Variants in SEPTIN3 observed in about 807,000 individuals in gnomAD.
The protein encoded by SEPTIN3 is septin 3, also known as neuronal-specific septin-3.
In SEPTIN3, 15 loss-of-function variants were observed where a neutral mutation model predicts 45.1. That is an observed-to-expected ratio of 0.33 (90% CI 0.22 to 0.51). SEPTIN3 has a LOEUF of 0.51. Among genes scored for constraint, SEPTIN3 ranks in the 20% least tolerant of loss-of-function variants. The pLI is 0.97. For synonymous variants in SEPTIN3, 148 were observed against 164.8 expected (o/e 0.90, Z 0.78); for missense variants, 289 against 457.2 (o/e 0.63, Z 3.35).
In SEPTIN3 at chr22:41,995,297, G is replaced by A. The variant is rs2078411823; in HGVS notation, c.2505+583G>A. 8.1e-6 allele frequency: 8 copies of A among 991,188 alleles called. No individual in the cohort carries two copies. The South Asian group carries it at 3.2e-4, about 40-fold the overall frequency. 61.4% of individuals were successfully genotyped at this position (991,188 alleles called of 1,614,324 possible). ...GGCTGGGGCTTCCTGGGAAAAGGAA[G>A]GCCATGAGAAGGCAGAGAAGTAGGC... On this transcript the variant is annotated intron_variant, in intron 11 of 11. Transcript: ENST00000644076.
chr22:41,975,465 C>T (rs1321292744), intron 2 of SEPTIN3, among the ~76,000 whole-genome samples: 1 of 152,138 alleles, frequency 6.6e-6, no homozygotes, highest in Non-Finnish European at 1.5e-5. Context: ...CTTCTCCCTA[C>T]GAGATCTCAG....
At chr22:41,980,761 G>C (rs2078108324) in intron 2 of SEPTIN3, among the ~76,000 whole-genome samples, 1 of 152,142 alleles carries the variant, frequency 6.6e-6, no homozygotes, top group Non-Finnish European at 1.5e-5. Flanking sequence ...CTAGGGAGGG[G>C]CTGGTTCCTC....
chr22:41,973,405 C>G (rs2077979409), intron 2 of SEPTIN3, among the ~76,000 whole-genome samples: 1 of 151,634 alleles, frequency 6.6e-6, no homozygotes, highest in Non-Finnish European at 1.5e-5. Context: ...GCCTGTAATC[C>G]CAGCACTTTG....
intron 2 of SEPTIN3, among the ~76,000 whole-genome samples, chr22:41,975,781 C>A (rs2078012047): frequency 6.6e-6 from 1 of 152,176 alleles, no homozygotes; most frequent in Non-Finnish European, 1.5e-5. Context: ...CTGTCCCCTC[C>A]TCTCCATCCT....
rs1441725504 is a variant in SEPTIN3 at position 41,976,471 on chromosome 22, A to G, written c.1504+3475A>G. 1 of 152,280 alleles carries G rather than the reference A, an allele frequency of 6.6e-6. No homozygotes were observed. The highest frequency in any genetic ancestry group is 1.5e-5 in the Non-Finnish European group (1 of 68,126). The allele number at this position is 152,280 out of a possible 1,614,324, so 9.4% of individuals were successfully genotyped here. ...GAACCCGGGCCCCTGACTCGGCTCTACAGGCACCCGCGCAACACCCCAGCC... is the reference window on the plus strand; with the variant it reads ...GAACCCGGGCCCCTGACTCGGCTCTGCAGGCACCCGCGCAACACCCCAGCC... On this transcript the variant is annotated intron_variant, in intron 2 of 11. Coordinates refer to ENST00000644076, the MANE Select transcript of SEPTIN3 (RefSeq NM_001363845.2). This position sits in a 1 kb window ranked among gnomAD's most constrained non-coding sequence, Gnocchi z 5.8.
Position 41,981,649 on chromosome 22 carries a change from C to T in SEPTIN3, c.1509C>T (p.Leu503=), listed in dbSNP as rs1231166625. The T allele has an allele frequency of 3.7e-6, 6 of 1,611,538 alleles. No homozygotes were observed. The highest frequency in any genetic ancestry group is 1.1e-5 in the South Asian group (1 of 90,880). ...CCTCCCACCTTGGCTCTGCAGGGCT[C>T]CCAGAGACCAGGACGGACGCAGCCA... ...SLDLATEYKG[L]PETRTDAAMS... The change falls in exon 3 of 12, where the codon CTC becomes CTT. Residue 503 remains leucine (L), a synonymous_variant. Transcript: ENST00000644076.
intron 2 of SEPTIN3, chr22:41,981,376 GGT>G: frequency 2.4e-6 from 1 of 425,238 alleles, no homozygotes; most frequent in Non-Finnish European, 4.2e-6. Context: ...AGAGCAGTGA[GGT>G]GCATTTGAAA....
chr22:41,971,186 A>C (rs1022634565), intron 1 of SEPTIN3, among the ~76,000 whole-genome samples: 3 of 152,124 alleles, frequency 2.0e-5, no homozygotes. Flanking sequence ...GCCCAGCCTG[A>C]GATGCCCCAT....
intron 3 of SEPTIN3, among the ~76,000 whole-genome samples, chr22:41,983,613 C>G (rs916478356): frequency 2.0e-5 from 3 of 152,208 alleles, no homozygotes; most frequent in African/African-American, 7.2e-5. Context: ...CAGTGCTCGT[C>G]CACATGCCAT....
intron 6 of SEPTIN3, 144 bp downstream of exon 6, chr22:41,987,903 G>A: frequency 2.6e-6 from 2 of 765,564 alleles, no homozygotes; most frequent in Non-Finnish European, 4.0e-6. Context: ...TTGGTACATA[G>A]TCATGGCCCA....
chr22:41,997,291 T>C lies in SEPTIN3; in HGVS notation c.*324T>C. On this transcript the variant is annotated 3_prime_UTR_variant, in exon 12 of 12. Transcript: ENST00000644076. ...AGCCCATCCCAGCTACTTGTAACCA[T>C]CTCTAAGGGCAATGGCATTGCTCCC... 2.9e-6 allele frequency: 1 copy of C among 339,192 alleles called. No homozygotes were observed. The allele number at this position is 339,192 out of a possible 1,614,324, so 21.0% of individuals were successfully genotyped here.
At chr22:41,984,690 G>A (rs186073602) in intron 3 of SEPTIN3, among the ~76,000 whole-genome samples, 107 of 151,434 alleles carry the variant, frequency 7.1e-4, no homozygotes, top group African/African-American at 2.6e-3. Flanking sequence ...CACCATGCCC[G>A]GCTAATTTTT....
chr22:41,988,474 A>T (rs2078246018), intron 6 of SEPTIN3, among the ~76,000 whole-genome samples: 1 of 152,106 alleles, frequency 6.6e-6, no homozygotes, highest in Non-Finnish European at 1.5e-5. Flanking sequence ...GCCAGAGTTA[A>T]GCTCTTCAGA....
chr22:41,997,199 T>A lies in SEPTIN3; in HGVS notation c.*232T>A. On this transcript the variant is annotated 3_prime_UTR_variant, in exon 12 of 12. Coordinates refer to ENST00000644076, the MANE Select transcript of SEPTIN3 (RefSeq NM_001363845.2). The stretch of plus-strand genomic sequence containing the variant: ...GCCAGTACAGCCCTACTGCATCATC[T>A]GCGTCAGCCGGTCCTAGCCCATCTG... 1.4e-6 allele frequency: 1 copy of A among 730,066 alleles called. No individual in the cohort carries two copies. Among genetic ancestry groups the A allele is most frequent in the Non-Finnish European group, 2.1e-6 (1 of 466,238 alleles). The allele number at this position is 730,066 out of a possible 1,614,324, so 45.2% of individuals were successfully genotyped here.
rs1219562141 is a variant in SEPTIN3, at chr22:41,971,636, C to T, written c.144C>T (p.Pro48=). 22 of 398,992 alleles carry T rather than the reference C, an allele frequency of 5.5e-5. No homozygotes were observed. The highest frequency in any genetic ancestry group is 3.5e-4 in the Admixed American group (8 of 22,700). The allele number at this position is 398,992 out of a possible 1,614,324, so 24.7% of individuals were successfully genotyped here. A position where few individuals can be genotyped will look rare whatever the true frequency, so the allele number is the denominator to read the frequency against. ...CTGGAGGAGGGTCCCCCCTCACCCC[C>T]GTCCTCAGGAAGACCATCCATCTGG... is the stretch of plus-strand genomic sequence containing the variant. ...RLPGGGSPLT[P]VLRKTIHLDT... is the part of the protein sequence containing the mutation. Residue 48 remains proline (P), a synonymous_variant, in exon 2 of 12, where the codon CCC becomes CCT. Transcript: ENST00000644076.
intron 2 of SEPTIN3, chr22:41,977,025 C>T (rs1021928692): frequency 4.4e-6 from 7 of 1,587,278 alleles, no homozygotes; most frequent in Non-Finnish European, 4.3e-6. Context: ...GCCCCGCGCC[C>T]GGAGCATCTC....
Position 41,971,942 on chromosome 22 carries a change from A to G in SEPTIN3, c.450A>G (p.Pro150=), listed in dbSNP as rs1037358494. ...ATGAAGGAGGGAGGGTGTCCTCGCC[A>G]GGCTCGCCACCTGTGACCCTAGTGC... ...APHEGGRVSS[P]GSPPVTLVPG... is the part of the protein sequence containing the mutation. Residue 150 remains proline (P), a synonymous_variant, in exon 2 of 12, where the codon CCA becomes CCG. Transcript: ENST00000644076. The G allele has an allele frequency of 5.0e-6, 2 of 398,986 alleles. No homozygotes were observed. Among genetic ancestry groups the G allele is most frequent in the Non-Finnish European group, 8.8e-6 (2 of 226,134 alleles). The allele number at this position is 398,986 out of a possible 1,614,324, so 24.7% of individuals were successfully genotyped here.
rs1188742230 is a variant in SEPTIN3, at chr22:41,994,652, C to T, written c.2443C>T (p.His815Tyr). ...CCTCCAGGACCTCAAGGAAGTGACA[C>T]ACAACATCCACTATGAGACTTACAG... ...THLQDLKEVT[H>Y]NIHYETYRAK... Residue 815 changes from histidine to tyrosine, a missense_variant, in exon 11 of 12, where the codon CAC becomes TAC. His to Tyr is a moderately conservative substitution (Grantham distance 83, BLOSUM62 2). Around this residue, in one of 3 missense-constraint regions of SEPTIN3, gnomAD observed 84 missense variants for 114.7 expected, o/e 0.73. Transcript: ENST00000644076. The surrounding 1 kb of genome is among the most constrained non-coding windows in gnomAD (Gnocchi z 4.2). The T allele has an allele frequency of 1.9e-6, 3 of 1,614,176 alleles. No individual in the cohort carries two copies. Among genetic ancestry groups the T allele is most frequent in the East Asian group, 4.5e-5 (2 of 44,886 alleles).
intron 3 of SEPTIN3, among the ~76,000 whole-genome samples, chr22:41,985,378 C>A (rs1166158452): frequency 2.0e-5 from 3 of 152,224 alleles, no homozygotes; most frequent in Non-Finnish European, 4.4e-5. Context: ...AAAACCACTA[C>A]ACTAGAAGAA....
Sources: gnomAD v4.1 joint callset for allele counts (sites outside exome capture counted in the v4.1 genomes callset) on GRCh38, gnomAD v4.1.1 for gene constraint, gnomAD v4.1.1 regional missense constraint, Gnocchi (gnomAD v3.1) non-coding constraint, MANE v1.5 for transcripts, NCBI Gene and HGNC (gene_info 2026-07-23, HGNC 2026-07-21) for gene names.